Variants in YARS2 observed in about 807,000 individuals in gnomAD.
YARS2 encodes the protein tyrosine--tRNA ligase, mitochondrial.
Under a neutral mutation model 45.0 loss-of-function variants are expected in YARS2, and 38 were observed. That is an observed-to-expected ratio of 0.84 (90% CI 0.65 to 1.11). The LOEUF (loss-of-function observed/expected upper bound fraction) is 1.11, where lower values mean the gene tolerates loss of function less well. Ranked by LOEUF, YARS2 falls within the 50% of genes least tolerant of loss-of-function variation. The probability of loss-of-function intolerance (pLI) is 0.00; values close to 1 mark genes in which losing one functional copy is unlikely to be tolerated. For missense variants in YARS2, 602 were observed against 599.8 expected (o/e 1.00, Z -0.04); for synonymous variants, 287 against 245.1 (o/e 1.17, Z -1.60).
rs757778549 is a variant in YARS2 at position 32,750,780 on chromosome 12, G to C, written c.1042C>G (p.Arg348Gly). The part of the protein sequence containing the change: ...KEPERRGPQK[R>G]LAAEVTKLVH... ...AGCTTTGTTACTTCTGCTGCCAGTC[G>C]TTTCTGAGGACCCCGCCTTTCTGGC... Residue 348 changes from arginine (R) to glycine (G), a missense_variant, in exon 3 of 5, where the codon CGA becomes GGA. Coordinates refer to ENST00000324868, the MANE Select transcript of YARS2 (RefSeq NM_001040436.3). The C allele has an allele frequency of 7.4e-6, 12 of 1,614,100 alleles. No homozygotes were observed. The highest frequency in any genetic ancestry group is 1.0e-5 in the Non-Finnish European group (12 of 1,180,018).
Position 32,755,555 on chromosome 12 carries a change from T to C in YARS2, c.320A>G (p.Asn107Ser). Reference protein sequence around the residue: ...GLFHLQRAGHNVIALVGGATA... With the variant: ...GLFHLQRAGHSVIALVGGATA... ...GGCGCCTCCCACCAGCGCGATCACG[T>C]TGTGGCCCGCTCGCTGCAAATGAAA... Residue 107 changes from asparagine to serine, a missense_variant, in exon 1 of 5, where the codon AAC becomes AGC. By Grantham distance (46) the Asn-to-Ser change is conservative. Transcript: ENST00000324868. 6.2e-6 allele frequency: 10 copies of C among 1,613,704 alleles called. No individual in the cohort carries two copies. The highest frequency in any genetic ancestry group is 6.8e-6 in the Non-Finnish European group (8 of 1,179,876).
At position 32,755,459 on chromosome 12, in the gene YARS2, G is replaced by A. The variant is rs533729326; in HGVS notation, c.416C>T (p.Ala139Val). The A allele has an allele frequency of 8.7e-6, 14 of 1,612,448 alleles. No homozygotes were observed. The African/African-American group carries it at 1.1e-4, about 12-fold the overall frequency. Reference protein sequence around the residue: ...REALETERVRANARALRLGLE... With the variant: ...REALETERVRVNARALRLGLE... ...CCCTAGGCGCAGAGCTCGCGCGTTGGCTCGCACGCGCTCTGTCTCCAGCGC... is the reference window on the plus strand; with the variant it reads ...CCCTAGGCGCAGAGCTCGCGCGTTGACTCGCACGCGCTCTGTCTCCAGCGC... The change falls in exon 1 of 5, where the codon GCC (alanine) becomes GTC (valine). Residue 139 changes from alanine (A) to valine (V), a missense_variant. By Grantham distance (64) the Ala-to-Val change is moderately conservative. Transcript: ENST00000324868.
At chr12:32,747,804 G>A (rs1185125024) in intron 4 of YARS2, among the ~76,000 whole-genome samples, 3 of 152,146 alleles carry the variant, frequency 2.0e-5, no homozygotes, top group African/African-American at 7.2e-5. Flanking sequence ...CCAAAGTGCT[G>A]GGATTACAGG....
In YARS2 at chr12:32,755,770, A is replaced by G. The variant is rs757286527; in HGVS notation, c.105T>C (p.Ala35=). 2.5e-6 allele frequency: 4 copies of G among 1,613,928 alleles called. No homozygotes were observed. The highest frequency in any genetic ancestry group is 2.2e-5 in the South Asian group (2 of 91,090). ...CCTTCTGCGCTGCCAGTAACCCCTG[A>G]GCGCCCGAGTGGGCCTTACGCAGCC... The part of the protein sequence containing the change: ...PLGLRKAHSG[A]QGLLAAQKAR... The change falls in exon 1 of 5, where the codon GCT becomes GCC. Residue 35 remains alanine, a synonymous_variant. Coordinates refer to ENST00000324868, the MANE Select transcript of YARS2 (RefSeq NM_001040436.3).
Position 32,755,824 on chromosome 12 carries a change from G to C in YARS2, c.51C>G (p.Thr17=). 1 of 1,613,422 alleles carries C rather than the reference G, an allele frequency of 6.2e-7. No homozygotes were observed. Among genetic ancestry groups the C allele is most frequent in the Non-Finnish European group, 8.5e-7 (1 of 1,180,020 alleles). ...AGGGCAACAATACTGAGAGATTTAG[G>C]GTACCAGACCACCGGCCCCAGGAAA... ...RSFSWGRWSG[T]LNLSVLLPLG... is the part of the protein sequence containing the mutation. The change falls in exon 1 of 5, where the codon ACC becomes ACG. Residue 17 remains threonine, a synonymous_variant. Coordinates refer to ENST00000324868, the MANE Select transcript of YARS2 (RefSeq NM_001040436.3).
At chr12:32,749,916 C>T in intron 4 of YARS2, 21 bp downstream of exon 4, 1 of 1,613,578 alleles carries the variant, frequency 6.2e-7, no homozygotes, top group Non-Finnish European at 8.5e-7. Flanking sequence ...AACTGTAAAT[C>T]TAAAAGTTAA....
chr12:32,752,789 A>T (rs1955773172), intron 2 of YARS2: 1 of 395,232 alleles, frequency 2.5e-6, no homozygotes, highest in Non-Finnish European at 5.0e-6. Context: ...CAATACATCA[A>T]AACCCCAGGA....
At chr12:32,752,137 A>G (rs778064840) in intron 2 of YARS2, among the ~76,000 whole-genome samples, 7 of 152,158 alleles carry the variant, frequency 4.6e-5, no homozygotes, top group Non-Finnish European at 8.8e-5. Context: ...ACCTAACAAC[A>G]CACTTCCCAG....
At chr12:32,752,296 A>G (rs11831695) in intron 2 of YARS2, among the ~76,000 whole-genome samples, 87 of 152,282 alleles carry the variant, frequency 5.7e-4, no homozygotes, top group African/African-American at 2.0e-3. Flanking sequence ...CTATGTAACC[A>G]TCACCATGGT....
rs1408932456 is a variant in YARS2 at position 32,747,880 on chromosome 12, A to AG, written c.1275-518dup. On this transcript the variant is annotated intron_variant, in intron 4 of 4. Transcript: ENST00000324868. ...CTGCTCTTTTAAAGACTCCGTCTCA[A>AG]GAAAAAAAAAGAAAGACCTAGGAGA... 3.9e-5 allele frequency among the ~76,000 whole-genome samples: 6 copies of AG among 152,194 alleles called. No individual in the cohort carries two copies. In the East Asian group the frequency reaches 1.2e-3, roughly 29 times the overall value.
At chr12:32,754,937 T>C (rs1281819930) in intron 1 of YARS2, among the ~76,000 whole-genome samples, 159 bp downstream of exon 1, 1 of 152,118 alleles carries the variant, frequency 6.6e-6, no homozygotes, top group Non-Finnish European at 1.5e-5. Flanking sequence ...TTAATTCTTA[T>C]TAGCCAGTGT....
At chr12:32,748,382 A>G in intron 4 of YARS2, among the ~76,000 whole-genome samples, 1 of 152,112 alleles carries the variant, frequency 6.6e-6, no homozygotes, top group Non-Finnish European at 1.5e-5. Context: ...TTTAGGAAGT[A>G]TTATTTTACG....
chr12:32,750,696 T>G (rs775772857), intron 3 of YARS2, 23 bp downstream of exon 3: 1 of 1,612,758 alleles, frequency 6.2e-7, no homozygotes, highest in East Asian at 2.2e-5. Context: ...AACTATCAAG[T>G]GTTAATCATA....
At chr12:32,753,450 A>G (rs1955787530) in intron 2 of YARS2, among the ~76,000 whole-genome samples, 2 of 152,238 alleles carry the variant, frequency 1.3e-5, no homozygotes, top group South Asian at 4.1e-4. Flanking sequence ...ACAGAGCATC[A>G]AAATATTTTT....
At chr12:32,752,904 T>C (rs1226918807) in intron 2 of YARS2, 4 of 278,532 alleles carry the variant, frequency 1.4e-5, no homozygotes, top group African/African-American at 6.7e-5. Context: ...TTCAAAAACA[T>C]CTTGGCCAAT....
rs1184548385 is a variant in YARS2 at position 32,746,608 on chromosome 12, G to C, written c.*596C>G. The C allele has an allele frequency of 1.3e-5, 2 of 149,300 alleles. No homozygotes were observed. The highest frequency in any genetic ancestry group is 5.0e-5 in the African/African-American group (2 of 39,854). 9.2% of individuals were successfully genotyped at this position (149,300 alleles called of 1,614,324 possible). On this transcript the variant is annotated 3_prime_UTR_variant, in exon 5 of 5. Coordinates refer to ENST00000324868, the MANE Select transcript of YARS2 (RefSeq NM_001040436.3). ...GCTGGAGTGCAGTGGCGTGATCTCA[G>C]CTCACTGCAACCTCCATCTCCTGGG...
At chr12:32,754,191 C>T (rs1334166195) in intron 1 of YARS2, 106 bp from the exon 2 acceptor site, 1 of 1,239,416 alleles carries the variant, frequency 8.1e-7, no homozygotes, top group African/African-American at 1.5e-5. Flanking sequence ...AGGAAAACTT[C>T]CTTGACCTCC....
At position 32,753,953 on chromosome 12, in the gene YARS2, T is replaced by G. The variant is rs760932342; in HGVS notation, c.912A>C (p.Gln304His). The G allele has an allele frequency of 5.6e-6, 9 of 1,614,120 alleles. No homozygotes were observed. Among genetic ancestry groups the G allele is most frequent in the Non-Finnish European group, 7.6e-6 (9 of 1,180,056 alleles). The change falls in exon 2 of 5, where the codon CAA (glutamine) becomes CAC (histidine). Residue 304 changes from glutamine (Q) to histidine (H), a missense_variant. Gln to His is a conservative substitution (Grantham distance 24, BLOSUM62 0). Coordinates refer to ENST00000324868, the MANE Select transcript of YARS2 (RefSeq NM_001040436.3). ...RDKTSPFELYQFFVRQPDDSV... is the reference protein window; with the variant it reads ...RDKTSPFELYHFFVRQPDDSV... The stretch of plus-strand genomic sequence containing the variant: ...AATCGTCCGGTTGCCTGACAAAGAA[T>G]TGATACAATTCAAATGGAGATGTCT...
chr12:32,749,803 T>C, intron 4 of YARS2, 134 bp downstream of exon 4: 1 of 999,982 alleles, frequency 1.0e-6, no homozygotes, highest in Non-Finnish European at 1.5e-6. Flanking sequence ...GGTCTCGATC[T>C]CCTGACCTCG....
Sources: allele counts gnomAD v4.1 joint callset (sites outside exome capture counted in the v4.1 genomes callset), GRCh38; gene constraint gnomAD v4.1.1; transcripts MANE v1.5; gene names NCBI Gene and HGNC (gene_info 2026-07-23, HGNC 2026-07-21).